The following ADAMTS1 variants were observed in gnomAD, a reference collection of about 807,000 sequenced individuals.
The protein encoded by ADAMTS1 is ADAM metallopeptidase with thrombospondin type 1 motif 1.
Under a neutral mutation model 87.9 loss-of-function variants are expected in ADAMTS1, and 19 were observed. That is an observed-to-expected ratio of 0.22 (90% CI 0.15 to 0.32). The LOEUF (loss-of-function observed/expected upper bound fraction) is 0.32, where lower values mean the gene tolerates loss of function less well. ADAMTS1 is among the 10% of genes least tolerant of loss of function. The pLI is 1.00. For synonymous variants in ADAMTS1, 542 were observed against 501.8 expected, an observed-to-expected ratio of 1.08 and a Z score of -1.07; for missense variants, 1,240 against 1,259.1, an observed-to-expected ratio of 0.98 and a Z score of 0.23.
rs898569955 is a variant in ADAMTS1 at position 26,837,253 on chromosome 21, TCTAA to T, written c.*322_*325del. ...ACCAGGAAACAGGGGTTGTAATAGT[TCTAA>T]CTTTTTTTGACAATTGCTTTGTTTT... On this transcript the variant is annotated 3_prime_UTR_variant, in exon 9 of 9. Coordinates refer to ENST00000284984, the MANE Select transcript of ADAMTS1 (RefSeq NM_006988.5). 10 of 235,966 alleles carry T rather than the reference TCTAA, an allele frequency of 4.2e-5. No individual in the cohort carries two copies. Among genetic ancestry groups the T allele is most frequent in the East Asian group, 4.2e-4 (5 of 12,008 alleles). The allele number at this position is 235,966 out of a possible 1,614,324, so 14.6% of individuals were successfully genotyped here. A position where few individuals can be genotyped will look rare whatever the true frequency, so the allele number is the denominator to read the frequency against.
In ADAMTS1 at chr21:26,845,086, C is replaced by A; in HGVS notation, c.-132G>T. On this transcript the variant is annotated 5_prime_UTR_variant, in exon 1 of 9. Transcript: ENST00000284984. Reference sequence around the variant, plus strand: ...CAATTTCTATTATTCGTTGGAAGGGCGCGCAGAGCCGGCTACAGCCGAAGC... The same window carrying A: ...CAATTTCTATTATTCGTTGGAAGGGAGCGCAGAGCCGGCTACAGCCGAAGC... The A allele has an allele frequency of 9.1e-6, 11 of 1,207,530 alleles. No homozygotes were observed. Among genetic ancestry groups the A allele is most frequent in the Non-Finnish European group, 9.5e-6 (9 of 946,008 alleles). 74.8% of individuals were successfully genotyped at this position (1,207,530 alleles called of 1,614,324 possible).
rs1233219082 is a variant in ADAMTS1, at chr21:26,836,524, G to GA, written c.*1054dup. 4 of 152,418 alleles carry GA rather than the reference G, an allele frequency of 2.6e-5. No individual in the cohort carries two copies. Among genetic ancestry groups the GA allele is most frequent in the South Asian group, 4.2e-4 (2 of 4,816 alleles). The allele number at this position is 152,418 out of a possible 1,614,324, so 9.4% of individuals were successfully genotyped here. ...TAACATATTTTACTATATACATATG[G>GA]AAAAAATCATATTCTCACAGAAGAG... On this transcript the variant is annotated 3_prime_UTR_variant, in exon 9 of 9. Coordinates refer to ENST00000284984, the MANE Select transcript of ADAMTS1 (RefSeq NM_006988.5).
chr21:26,840,344 T>C lies in ADAMTS1; in HGVS notation c.1597A>G (p.Ser533Gly). 1 of 1,614,244 alleles carries C rather than the reference T, an allele frequency of 6.2e-7. No individual in the cohort carries two copies. The highest frequency in any genetic ancestry group is 8.5e-7 in the Non-Finnish European group (1 of 1,180,042). Residue 533 changes from serine to glycine, a missense_variant, in exon 5 of 9, where the codon AGC becomes GGC. Physicochemically the swap from Ser to Gly is moderately conservative, Grantham distance 56 (BLOSUM62 0). Transcript: ENST00000284984. ...TKHFPWADGT[S>G]CGEGKWCING... ...ATACACCATTTCCCTTCTCCACAGC[T>C]GGTGCCATCCGCCCACGGGAAGTGT...
intron 1 of ADAMTS1, 106 bp from the exon 2 acceptor site, chr21:26,842,791 A>G (rs1260312915): frequency 3.5e-6 from 3 of 850,522 alleles, no homozygotes; most frequent in Non-Finnish European, 5.4e-6. Flanking sequence ...CAAAGCAAAA[A>G]TATACCCAGA....
At chr21:26,840,637 T>C in intron 4 of ADAMTS1, 75 bp from the exon 5 acceptor site, 4 of 1,482,708 alleles carry the variant, frequency 2.7e-6, no homozygotes, top group Non-Finnish European at 2.7e-6. Context: ...TTTCAGAAAA[T>C]ATTTATCATA....
Position 26,844,512 on chromosome 21 carries a change from G to T in ADAMTS1, c.443C>A (p.Ala148Asp). 6.3e-7 allele frequency: 1 copy of T among 1,597,730 alleles called. No homozygotes were observed. The highest frequency in any genetic ancestry group is 1.1e-5 in the South Asian group (1 of 88,966). The part of the protein sequence containing the change: ...ALSLCEGVRG[A>D]FYLLGEAYFI... Reference sequence around the variant, plus strand: ...ATACGCCTCCCCCAGCAGGTAGAAGGCGCCGCGCACGCCCTCGCAGAGGCT... The same window carrying T: ...ATACGCCTCCCCCAGCAGGTAGAAGTCGCCGCGCACGCCCTCGCAGAGGCT... The change falls in exon 1 of 9, where the codon GCC (alanine) becomes GAC (aspartate). Residue 148 changes from alanine to aspartate, a missense_variant. Physicochemically the swap from Ala to Asp is moderately radical, Grantham distance 126 (BLOSUM62 -2). This residue lies in a region of ADAMTS1 where 521 missense variants were observed against 449.7 expected (regional missense o/e 1.16). Coordinates refer to ENST00000284984, the MANE Select transcript of ADAMTS1 (RefSeq NM_006988.5).
rs1985482888 is a variant in ADAMTS1, at chr21:26,841,032, G to A, written c.1344C>T (p.Ala448=). Residue 448 remains alanine, a synonymous_variant, in exon 4 of 9, where the codon GCC becomes GCT. Transcript: ENST00000284984. ...TATCCAGAAATGATGTAATCATGTA[G>A]GCACTGCAAGGAGACCAAGGCTGGC... The part of the protein sequence containing the change: ...DHSQPWSPCS[A]YMITSFLDNG... 6.2e-7 allele frequency: 1 copy of A among 1,614,218 alleles called. No individual in the cohort carries two copies. The highest frequency in any genetic ancestry group is 8.5e-7 in the Non-Finnish European group (1 of 1,180,048).
rs1241853155 is a variant in ADAMTS1 at position 26,840,381 on chromosome 21, C to T, written c.1560G>A (p.Val520=). The change falls in exon 5 of 9, where the codon GTG becomes GTA. Residue 520 remains valine (V), a synonymous_variant. Coordinates refer to ENST00000284984, the MANE Select transcript of ADAMTS1 (RefSeq NM_006988.5). The stretch of plus-strand genomic sequence containing the variant: ...CCCACGGGAAGTGTTTGGTTTGACA[C>T]ACCAGCACCCCACCAGAGGTGCCGG... ...WCTGTSGGVL[V]CQTKHFPWAD... is the part of the protein sequence containing the mutation. 1.9e-6 allele frequency: 3 copies of T among 1,614,126 alleles called. No homozygotes were observed. Among genetic ancestry groups the T allele is most frequent in the Non-Finnish European group, 2.5e-6 (3 of 1,180,062 alleles).
intron 3 of ADAMTS1, 119 bp downstream of exon 3, chr21:26,841,739 G>A (rs1391586455): frequency 1.7e-6 from 2 of 1,156,350 alleles, no homozygotes; most frequent in African/African-American, 3.1e-5. Context: ...ATTTTCTATA[G>A]TTTCTAAGAT....
chr21:26,844,213 C>G lies in ADAMTS1; in HGVS notation c.730+12G>C. 1 of 1,529,506 alleles carries G rather than the reference C, an allele frequency of 6.5e-7. No individual in the cohort carries two copies. The highest frequency in any genetic ancestry group is 8.8e-7 in the Non-Finnish European group (1 of 1,138,262). 94.7% of individuals were successfully genotyped at this position (1,529,506 alleles called of 1,614,324 possible). The stretch of plus-strand genomic sequence containing the variant: ...GGATGAATGGACAGACAAACGAGAG[C>G]AATTCTTCTACCTGTGGGCTGTCCT... On this transcript the variant is annotated intron_variant, in intron 1 of 8. Coordinates refer to ENST00000284984, the MANE Select transcript of ADAMTS1 (RefSeq NM_006988.5).
chr21:26,843,400 G>T, intron 1 of ADAMTS1: 1 of 451,540 alleles, frequency 2.2e-6, no homozygotes, highest in Admixed American at 2.4e-5. Context: ...GAGCAGAGGA[G>T]CAGGGGAAAA....
In ADAMTS1 at chr21:26,837,838, C is replaced by T. The variant is rs1985402874; in HGVS notation, c.2645G>A (p.Arg882Gln). 5 of 1,614,202 alleles carry T rather than the reference C, an allele frequency of 3.1e-6. No individual in the cohort carries two copies. The highest frequency in any genetic ancestry group is 1.3e-5 in the African/African-American group (1 of 75,036). Residue 882 changes from arginine to glutamine, a missense_variant, in exon 9 of 9, where the codon CGA (arginine) becomes CAA (glutamine). This residue lies in a region of ADAMTS1 where 402 missense variants were observed against 399.1 expected (regional missense o/e 1.01). Coordinates refer to ENST00000284984, the MANE Select transcript of ADAMTS1 (RefSeq NM_006988.5). The stretch of plus-strand genomic sequence containing the variant: ...GGAAGCAGGCTGTCCATTAATGTCT[C>T]GGCATTCTACCAGTCTTCTCTGCCA... Reference protein sequence around the residue: ...LGWQRRLVECRDINGQPASEC... With the variant: ...LGWQRRLVECQDINGQPASEC...
At position 26,838,088 on chromosome 21, in the gene ADAMTS1, A is replaced by G. The variant is rs148288841; in HGVS notation, c.2395T>C (p.Leu799=). The change falls in exon 9 of 9, where the codon TTG becomes CTG. Residue 799 remains leucine, a synonymous_variant. Coordinates refer to ENST00000284984, the MANE Select transcript of ADAMTS1 (RefSeq NM_006988.5). ...GCCGCAGAGGAGCCGCTGTACCTCA[A>G]GACAACACCTTTGTACATAATGTCT... ...EQDIMYKGVV[L]RYSGSSAALE... is the part of the protein sequence containing the mutation. 6.2e-7 allele frequency: 1 copy of G among 1,614,210 alleles called. No individual in the cohort carries two copies. Among genetic ancestry groups the G allele is most frequent in the Non-Finnish European group, 8.5e-7 (1 of 1,180,026 alleles).
chr21:26,844,343 CTCG>C lies in ADAMTS1; in HGVS notation c.609_611del (p.Asp203del). The C allele has an allele frequency of 6.2e-7, 1 of 1,605,020 alleles. No homozygotes were observed. Among genetic ancestry groups the C allele is most frequent in the Non-Finnish European group, 8.5e-7 (1 of 1,177,704 alleles). ...TCTCCGCTTTCCCAGTCGGCCGGGG[CTCG>C]TCGTCCACGACCCCGCACGTGCCGC... On this transcript the variant is annotated inframe_deletion, in exon 1 of 9. Transcript: ENST00000284984.
Position 26,836,896 on chromosome 21 carries a change from A to G in ADAMTS1, c.*683T>C, listed in dbSNP as rs1025824769. ...CCATTGTAGACTTTAATGCACTTGA[A>G]TAAATACATGGAGTTGTTTTTTCCT... On this transcript the variant is annotated 3_prime_UTR_variant, in exon 9 of 9. Coordinates refer to ENST00000284984, the MANE Select transcript of ADAMTS1 (RefSeq NM_006988.5). 2 of 152,236 alleles carry G rather than the reference A, an allele frequency of 1.3e-5. No individual in the cohort carries two copies. Among genetic ancestry groups the G allele is most frequent in the Non-Finnish European group, 2.9e-5 (2 of 68,066 alleles). The allele number at this position is 152,236 out of a possible 1,614,324, so 9.4% of individuals were successfully genotyped here. A position where few individuals can be genotyped will look rare whatever the true frequency, so the allele number is the denominator to read the frequency against.
In ADAMTS1 at chr21:26,842,615, G is replaced by T. The variant is rs1985519605; in HGVS notation, c.801C>A (p.Asp267Glu). The T allele has an allele frequency of 6.2e-6, 10 of 1,613,976 alleles. No individual in the cohort carries two copies. The South Asian group carries it at 6.6e-5, about 11-fold the overall frequency. ...TGCCGTGGAATTCTGCCATCGACTG[G>T]TCTGCCACAAGCATGGTTTCCACAT... ...HRYVETMLVADQSMAEFHGSG... is the reference protein window; with the variant it reads ...HRYVETMLVAEQSMAEFHGSG... Residue 267 changes from aspartate (D) to glutamate (E), a missense_variant, in exon 2 of 9, where the codon GAC (aspartate) becomes GAA (glutamate). Asp to Glu is a conservative substitution (Grantham distance 45). This residue lies in a region of ADAMTS1 where 521 missense variants were observed against 449.7 expected (regional missense o/e 1.16). Coordinates refer to ENST00000284984, the MANE Select transcript of ADAMTS1 (RefSeq NM_006988.5).
At chr21:26,843,267 C>T (rs1055113394) in intron 1 of ADAMTS1, among the ~76,000 whole-genome samples, 1 of 152,214 alleles carries the variant, frequency 6.6e-6, no homozygotes, top group South Asian at 2.1e-4. Context: ...CTCCCACTGC[C>T]CCAGCGAAAT....
chr21:26,845,008 T>C lies in ADAMTS1; in HGVS notation c.-54A>G. On this transcript the variant is annotated 5_prime_UTR_variant, in exon 1 of 9. Transcript: ENST00000284984. ...AGCGCACGGAGCGAGGGACCTTTAG[T>C]TCGGGTCGGGAGAGCAAAGCCTCGT... is the stretch of plus-strand genomic sequence containing the variant. The C allele has an allele frequency of 6.8e-7, 1 of 1,476,146 alleles. No individual in the cohort carries two copies. Among genetic ancestry groups the C allele is most frequent in the Admixed American group, 2.3e-5 (1 of 43,034 alleles). The allele number at this position is 1,476,146 out of a possible 1,614,324, so 91.4% of individuals were successfully genotyped here.
chr21:26,844,826 T>C lies in ADAMTS1; in HGVS notation c.129A>G (p.Leu43=). 1.3e-6 allele frequency: 2 copies of C among 1,552,044 alleles called. No homozygotes were observed. The highest frequency in any genetic ancestry group is 1.7e-6 in the Non-Finnish European group (2 of 1,148,858). ...GCCCGAGTGCGTCCGACACGGCCAG[T>C]AGCGCCGCGGCGAGCAGCAGCAGCG... ...VPTLLLLAAA[L]LAVSDALGRP... The change falls in exon 1 of 9, where the codon CTA becomes CTG. Residue 43 remains leucine (L), a synonymous_variant. Coordinates refer to ENST00000284984, the MANE Select transcript of ADAMTS1 (RefSeq NM_006988.5).
Sources: gnomAD v4.1 joint callset for allele counts (sites outside exome capture counted in the v4.1 genomes callset) on GRCh38, gnomAD v4.1.1 for gene constraint, gnomAD v4.1.1 regional missense constraint, MANE v1.5 for transcripts, NCBI Gene and HGNC (gene_info 2026-07-23, HGNC 2026-07-21) for gene names.